CADM1: variants seen among roughly 807,000 people sequenced by gnomAD.
CADM1 encodes TSLC-1.
Under a neutral mutation model 53.1 loss-of-function variants are expected in CADM1, and 15 were observed. The ratio of observed to expected loss-of-function variants is 0.28; its 90% CI spans 0.19 to 0.44. The LOEUF is 0.44. Ranked by LOEUF, CADM1 falls within the 20% of genes least tolerant of loss-of-function variation. The pLI is 1.00. For synonymous variants in CADM1, 281 were observed against 243.0 expected (o/e 1.16, Z -1.45); for missense variants, 434 against 611.3 (o/e 0.71, Z 3.06).
intron 1 of CADM1, among the ~76,000 whole-genome samples, chr11:115,246,097 C>A (rs1336594708): frequency 6.6e-6 from 1 of 152,250 alleles, no homozygotes; most frequent in Non-Finnish European, 1.5e-5. Flanking sequence ...AAGAGAGGGG[C>A]CCATCAACTG....
intron 1 of CADM1, among the ~76,000 whole-genome samples, chr11:115,471,646 T>C (rs1302083218): frequency 6.6e-6 from 1 of 152,196 alleles, no homozygotes; most frequent in Admixed American, 6.5e-5. Context: ...TCAGCAGGTC[T>C]GGAGTGGGGC....
intron 1 of CADM1, among the ~76,000 whole-genome samples, chr11:115,299,375 AT>A (rs1406063760): frequency 2.0e-5 from 3 of 152,058 alleles, no homozygotes; most frequent in African/African-American, 4.8e-5. Context: ...GGGAGAACAA[AT>A]TTTTTTGTTT....
chr11:115,477,142 G>A (rs1020150677), intron 1 of CADM1, among the ~76,000 whole-genome samples: 86 of 152,056 alleles, frequency 5.7e-4, no homozygotes, highest in African/African-American at 2.0e-3. Flanking sequence ...TAGTGGATAG[G>A]TTTGGATTGA....
At position 115,169,374 on chromosome 11, in the gene CADM1, A is replaced by T; in HGVS notation, c.*7100T>A. ...TTATTTTCCATAAACTGTCTTAAGC[A>T]TCTCCCGGGCTACATTTCTGGCTGT... On this transcript the variant is annotated 3_prime_UTR_variant, in exon 12 of 12. Coordinates refer to ENST00000331581, the MANE Select transcript of CADM1 (RefSeq NM_001301043.2). The T allele has an allele frequency of 2.9e-6, 1 of 341,584 alleles. No homozygotes were observed. The highest frequency in any genetic ancestry group is 5.8e-6 in the Non-Finnish European group (1 of 172,678). 21.2% of individuals were successfully genotyped at this position (341,584 alleles called of 1,614,324 possible). A position where few individuals can be genotyped will look rare whatever the true frequency, so the allele number is the denominator to read the frequency against.
intron 1 of CADM1, among the ~76,000 whole-genome samples, chr11:115,321,260 A>G (rs1269083067): frequency 6.6e-6 from 1 of 152,216 alleles, no homozygotes; most frequent in South Asian, 2.1e-4. Flanking sequence ...GAGTTGCAAG[A>G]TTGGTAAGAA....
In CADM1 at chr11:115,172,733, T is replaced by G. The variant is rs1241606694; in HGVS notation, c.*3741A>C. ...CAATAACTGCATATCTGATTTTTTT[T>G]TTTTTTTTTTTTTTTTTTTTTTTTT... On this transcript the variant is annotated 3_prime_UTR_variant, in exon 12 of 12. Transcript: ENST00000331581. The G allele has an allele frequency of 2.7e-5, 1 of 36,496 alleles. No individual in the cohort carries two copies. The highest frequency in any genetic ancestry group is 5.7e-5 in the Non-Finnish European group (1 of 17,530). 2.3% of individuals were successfully genotyped at this position (36,496 alleles called of 1,614,324 possible).
At chr11:115,335,457 A>G (rs1016112091) in intron 1 of CADM1, among the ~76,000 whole-genome samples, 1 of 148,678 alleles carries the variant, frequency 6.7e-6, no homozygotes, top group Non-Finnish European at 1.5e-5. Context: ...AGCCTCATGT[A>G]TATATATAGT....
intron 1 of CADM1, among the ~76,000 whole-genome samples, chr11:115,351,008 T>C (rs141859043): frequency 2.0e-3 from 303 of 152,034 alleles, no homozygotes; most frequent in Middle Eastern, 6.8e-3. Flanking sequence ...TATATTAACA[T>C]TCCTTTTGTT....
At chr11:115,442,567 T>A (rs1243807750) in intron 1 of CADM1, among the ~76,000 whole-genome samples, 1 of 152,170 alleles carries the variant, frequency 6.6e-6, no homozygotes, top group Non-Finnish European at 1.5e-5. Flanking sequence ...CCACAAAGAA[T>A]GATTTATGAC....
rs1238255932 is a variant in CADM1 at position 115,170,607 on chromosome 11, T to TGGGGGGGGGGGTGG, written c.*5866_*5867insCCACCCCCCCCCCC. The TGGGGGGGGGGGTGG allele has an allele frequency of 2.0e-5, 1 of 48,952 alleles. No individual in the cohort carries two copies. The highest frequency in any genetic ancestry group is 4.0e-5 in the Non-Finnish European group (1 of 24,898). 3.0% of individuals were successfully genotyped at this position (48,952 alleles called of 1,614,324 possible). On this transcript the variant is annotated 3_prime_UTR_variant, in exon 12 of 12. Transcript: ENST00000331581. Reference sequence around the variant, plus strand: ...GATGTGAGTGTTGGGTGGGGGGTGGTGGGGGGGGACTGAATCCTGCAGTTC... The same window carrying TGGGGGGGGGGGTGG: ...GATGTGAGTGTTGGGTGGGGGGTGGTGGGGGGGGGGGTGGGGGGGGGGACTGAATCCTGCAGTTC...
intron 1 of CADM1, among the ~76,000 whole-genome samples, chr11:115,490,150 C>G (rs1051755840): frequency 6.6e-6 from 1 of 152,154 alleles, no homozygotes; most frequent in Non-Finnish European, 1.5e-5. Context: ...GTTAAGGATG[C>G]ATTACAAGGA....
At chr11:115,255,153 T>C (rs1942743567) in intron 1 of CADM1, among the ~76,000 whole-genome samples, 1 of 152,150 alleles carries the variant, frequency 6.6e-6, no homozygotes, top group African/African-American at 2.4e-5. Context: ...GTGTTCCCCT[T>C]TTAAAGGAAG....
At chr11:115,469,962 C>T (rs897365786) in intron 1 of CADM1, among the ~76,000 whole-genome samples, 14 of 152,210 alleles carry the variant, frequency 9.2e-5, no homozygotes, top group East Asian at 1.9e-4. Flanking sequence ...TATGCGCCAC[C>T]GTGCCCAGCC....
At chr11:115,223,973 A>AAAAAG (rs59495248) in intron 5 of CADM1, among the ~76,000 whole-genome samples, 1 of 92,466 alleles carries the variant, frequency 1.1e-5, no homozygotes, top group Non-Finnish European at 2.1e-5. Context: ...AAAAAAAAAA[A>AAAAAG]AGAGAGAGAG....
chr11:115,238,399 C>T (rs931473139), intron 3 of CADM1, 101 bp downstream of exon 3: 4 of 1,284,970 alleles, frequency 3.1e-6, no homozygotes, highest in African/African-American at 1.5e-5. Context: ...CTTCCTGAAA[C>T]AAGTTTGAAC....
At chr11:115,451,626 G>A (rs553052696) in intron 1 of CADM1, among the ~76,000 whole-genome samples, 6 of 152,296 alleles carry the variant, frequency 3.9e-5, no homozygotes, top group Admixed American at 3.9e-4. Flanking sequence ...CCACTTAACA[G>A]GTATAGTGTA....
intron 3 of CADM1, among the ~76,000 whole-genome samples, chr11:115,233,291 T>G (rs149232496): frequency 1.2e-3 from 190 of 152,316 alleles, no homozygotes; most frequent in African/African-American, 4.2e-3. Flanking sequence ...ACTACCCTAG[T>G]CTACATTTTA....
chr11:115,311,223 G>A (rs759572723), intron 1 of CADM1, among the ~76,000 whole-genome samples: 12 of 152,038 alleles, frequency 7.9e-5, no homozygotes, highest in Middle Eastern at 6.3e-3. Flanking sequence ...CAACAAATAG[G>A]TAATAAAAAT....
chr11:115,442,212 C>CTGT (rs1948330502), intron 1 of CADM1, among the ~76,000 whole-genome samples: 1 of 151,370 alleles, frequency 6.6e-6, no homozygotes. Context: ...GGCAAGGGAC[C>CTGT]AATGAGTGAA....
Sources: allele counts gnomAD v4.1 joint callset (sites outside exome capture counted in the v4.1 genomes callset), GRCh38; gene constraint gnomAD v4.1.1; transcripts MANE v1.5; gene names NCBI Gene and HGNC (gene_info 2026-07-23, HGNC 2026-07-21).